Variants in COL21A1 observed in about 807,000 individuals in gnomAD.
The protein encoded by COL21A1 is collagen type XXI alpha 1 chain.
In COL21A1, 149 loss-of-function variants were observed where a neutral mutation model predicts 137.9. That is an observed-to-expected ratio of 1.08 (90% CI 0.95 to 1.24). The LOEUF is 1.24. Ranked by LOEUF, COL21A1 falls within the 50% of genes most tolerant of loss-of-function variation. The pLI, the probability that COL21A1 is intolerant of heterozygous loss-of-function variation, is 0.00. For missense variants in COL21A1, 1,167 were observed against 1,158.4 expected, an observed-to-expected ratio of 1.01 and a Z score of -0.11; for synonymous variants, 456 against 391.5, an observed-to-expected ratio of 1.16 and a Z score of -1.95.
intron 12 of COL21A1, among the ~76,000 whole-genome samples, chr6:56,136,188 G>A (rs980199800): frequency 1.3e-5 from 2 of 152,124 alleles, no homozygotes; most frequent in Non-Finnish European, 2.9e-5. Flanking sequence ...GTTAATCTGA[G>A]TCTCCCTGTG....
chr6:56,315,637 C>G (rs1451468997), intron 1 of COL21A1, among the ~76,000 whole-genome samples: 1 of 98,252 alleles, frequency 1.0e-5, no homozygotes, highest in East Asian at 2.2e-4. Context: ...TTCCGCCATC[C>G]CTCCCTCTCC....
At chr6:56,301,431 T>A (rs1396494488) in intron 1 of COL21A1, among the ~76,000 whole-genome samples, 2 of 152,198 alleles carry the variant, frequency 1.3e-5, no homozygotes, top group East Asian at 3.9e-4. Flanking sequence ...TTTCTACCAA[T>A]ACCTTGGTCT....
At chr6:56,302,131 A>T (rs9396196) in intron 1 of COL21A1, among the ~76,000 whole-genome samples, 126,542 of 150,240 alleles carry the variant, frequency 0.84, 55,270 homozygotes, top group South Asian at 0.97. Flanking sequence ...TCTATCATTG[A>T]TGGACATTTG....
intron 8 of COL21A1, 137 bp from the exon 9 acceptor site, chr6:56,164,643 A>T (rs1289991926): frequency 6.9e-6 from 6 of 866,572 alleles, no homozygotes; most frequent in Non-Finnish European, 1.1e-5. Context: ...TATCTAACCC[A>T]ACCCAATAGG....
At chr6:56,296,326 G>A (rs769069796) in intron 1 of COL21A1, among the ~76,000 whole-genome samples, 2 of 151,880 alleles carry the variant, frequency 1.3e-5, no homozygotes. Flanking sequence ...TAAACAGCAA[G>A]GGCATTTTCC....
chr6:56,168,292 C>A lies in COL21A1; in HGVS notation c.1032G>T (p.Leu344Phe), dbSNP rs1776753795. The change falls in exon 6 of 30, where the codon TTG becomes TTT. Residue 344 changes from leucine to phenylalanine, a missense_variant. Transcript: ENST00000244728. Reference protein sequence around the residue: ...VTFANPQVKTLFDEGWHQIRL... With the variant: ...VTFANPQVKTFFDEGWHQIRL... Reference sequence around the variant, plus strand: ...GAATTTGGTGCCAGCCTTCATCAAACAACGTCTACAAAAAGAAAGTGTGGA... The same window carrying A: ...GAATTTGGTGCCAGCCTTCATCAAAAAACGTCTACAAAAAGAAAGTGTGGA... The A allele has an allele frequency of 1.3e-6, 2 of 1,529,840 alleles. No individual in the cohort carries two copies. The highest frequency in any genetic ancestry group is 2.0e-5 in the Admixed American group (1 of 51,048). The allele number at this position is 1,529,840 out of a possible 1,614,324, so 94.8% of individuals were successfully genotyped here. A position where few individuals can be genotyped will look rare whatever the true frequency, so the allele number is the denominator to read the frequency against.
chr6:56,328,410 C>T (rs1232677386), intron 1 of COL21A1, among the ~76,000 whole-genome samples: 4 of 152,070 alleles, frequency 2.6e-5, no homozygotes, highest in African/African-American at 7.2e-5. Flanking sequence ...AGACATACTT[C>T]CCCATCACAC....
At chr6:56,168,888 A>T (rs1582542445) in intron 5 of COL21A1, among the ~76,000 whole-genome samples, 1 of 151,958 alleles carries the variant, frequency 6.6e-6, no homozygotes, top group Non-Finnish European at 1.5e-5. Context: ...GTCTACACTA[A>T]CAGCCTGTAC....
chr6:56,147,490 A>G (rs936904633), intron 10 of COL21A1, among the ~76,000 whole-genome samples: 1 of 152,000 alleles, frequency 6.6e-6, no homozygotes, highest in South Asian at 2.1e-4. Context: ...AAGCAAACAA[A>G]TCAATAATTA....
chr6:56,214,003 A>G (rs1780337548), intron 1 of COL21A1, among the ~76,000 whole-genome samples: 1 of 152,118 alleles, frequency 6.6e-6, no homozygotes, highest in South Asian at 2.1e-4. Context: ...CCTAAATAGG[A>G]AAGATTTTAT....
rs1244590235 is a variant in COL21A1, at chr6:56,057,858, T to C, written c.2687-14A>G. ...GGCCCTCTGGACCTAAGATGGGACA[T>C]TGGCAAGACGTAAACAGAGGACTTT... On this transcript the variant is annotated splice_polypyrimidine_tract_variant and intron_variant, in intron 29 of 29. Transcript: ENST00000244728. 5 of 1,516,506 alleles carry C rather than the reference T, an allele frequency of 3.3e-6. No homozygotes were observed. Among genetic ancestry groups the C allele is most frequent in the African/African-American group, 2.8e-5 (2 of 70,200 alleles). The allele number at this position is 1,516,506 out of a possible 1,614,324, so 93.9% of individuals were successfully genotyped here.
rs1763163135 is a variant in COL21A1 at position 56,258,252 on chromosome 6, C to A, written c.-38-75596G>T. ...CAGGAGCTAATAATTTATTTATTTTCAGGAGTACATACTTCTTAAAATTAA... is the reference window on the plus strand; with the variant it reads ...CAGGAGCTAATAATTTATTTATTTTAAGGAGTACATACTTCTTAAAATTAA... On this transcript the variant is annotated intron_variant, in intron 1 of 28. Coordinates refer to the COL21A1 transcript ENST00000370819. 2.0e-5 allele frequency among the ~76,000 whole-genome samples: 3 copies of A among 152,184 alleles called. No individual in the cohort carries two copies. The South Asian group carries it at 6.2e-4, about 32-fold the overall frequency.
chr6:56,214,384 A>G (rs1780358161), intron 1 of COL21A1, among the ~76,000 whole-genome samples: 10 of 152,124 alleles, frequency 6.6e-5, no homozygotes, highest in Admixed American at 5.9e-4. Context: ...TGAATTGAAT[A>G]CATATTTTTA....
At chr6:56,090,052 C>A in intron 17 of COL21A1, among the ~76,000 whole-genome samples, 1 of 152,064 alleles carries the variant, frequency 6.6e-6, no homozygotes, top group East Asian at 1.9e-4. Context: ...CCATCCTGGC[C>A]AAAATGGTGA....
chr6:56,165,458 A>G (rs1363564053), intron 7 of COL21A1, among the ~76,000 whole-genome samples: 1 of 152,240 alleles, frequency 6.6e-6, no homozygotes, highest in African/African-American at 2.4e-5. Flanking sequence ...GCTGTGCTTC[A>G]TCATATGGAA....
chr6:56,220,127 A>G (rs1408578550), intron 1 of COL21A1, among the ~76,000 whole-genome samples: 3 of 152,156 alleles, frequency 2.0e-5, no homozygotes, highest in Non-Finnish European at 1.5e-5. Flanking sequence ...ATTAACATTT[A>G]TTGCCTGCTT....
At chr6:56,377,996 GA>G (rs1010864521) in intron 1 of COL21A1, among the ~76,000 whole-genome samples, 1 of 152,090 alleles carries the variant, frequency 6.6e-6, no homozygotes, top group Non-Finnish European at 1.5e-5. Context: ...TCCCTAAAGG[GA>G]AGGACCCAGT....
chr6:56,168,413 G>A, intron 5 of COL21A1, 116 bp from the exon 6 acceptor site: 1 of 782,312 alleles, frequency 1.3e-6, no homozygotes, highest in Non-Finnish European at 1.9e-6. Flanking sequence ...CACACAGACT[G>A]ACTGTATTAT....
At chr6:56,172,664 CTT>C (rs1455111885) in intron 3 of COL21A1, among the ~76,000 whole-genome samples, 1 of 152,114 alleles carries the variant, frequency 6.6e-6, no homozygotes, top group African/African-American at 2.4e-5. Flanking sequence ...GCATAAATGA[CTT>C]TTAATTCTGG....
Sources: gnomAD v4.1 joint callset for allele counts (sites outside exome capture counted in the v4.1 genomes callset) on GRCh38, gnomAD v4.1.1 for gene constraint, MANE v1.5 for transcripts, NCBI Gene and HGNC (gene_info 2026-07-23, HGNC 2026-07-21) for gene names.